The following HSD17B12 variants were observed in gnomAD, a reference collection of about 807,000 sequenced individuals.
The protein encoded by HSD17B12 is very-long-chain 3-oxoacyl-CoA reductase.
A neutral mutation model predicts 39.3 loss-of-function variants in HSD17B12; 32 were observed. The ratio of observed to expected loss-of-function variants is 0.81; its 90% CI spans 0.61 to 1.09. HSD17B12 has a LOEUF of 1.09. Ranked by LOEUF, HSD17B12 falls within the 50% of genes least tolerant of loss-of-function variation. HSD17B12 has a pLI of 0.00. For synonymous variants in HSD17B12, 150 were observed against 146.7 expected (o/e 1.02, Z -0.16); for missense variants, 342 against 382.9 (o/e 0.89, Z 0.89).
At chr11:43,790,020 C>A (rs1950852749) in intron 3 of HSD17B12, among the ~76,000 whole-genome samples, 1 of 152,028 alleles carries the variant, frequency 6.6e-6, no homozygotes, top group African/African-American at 2.4e-5. Flanking sequence ...TCTGAGATAC[C>A]ATTGATCATG....
chr11:43,814,189 T>C (rs1259152884), intron 4 of HSD17B12, among the ~76,000 whole-genome samples: 1 of 151,982 alleles, frequency 6.6e-6, no homozygotes, highest in Non-Finnish European at 1.5e-5. Context: ...AGTTGAATAC[T>C]GGATAAAGGT....
chr11:43,747,615 G>T (rs1288166233), intron 1 of HSD17B12, among the ~76,000 whole-genome samples: 1 of 152,206 alleles, frequency 6.6e-6, no homozygotes, highest in East Asian at 1.9e-4. Flanking sequence ...CCTTTGAAGC[G>T]TTGGAATGTG....
chr11:43,582,689 T>C, the HSD17B12 span, among the ~76,000 whole-genome samples: 1 of 152,114 alleles, frequency 6.6e-6, no homozygotes, highest in Non-Finnish European at 1.5e-5. Flanking sequence ...CATTAACCTG[T>C]CCGCTGGTTG....
At chr11:43,759,855 G>A (rs959392793) in intron 3 of HSD17B12, among the ~76,000 whole-genome samples, 1 of 151,654 alleles carries the variant, frequency 6.6e-6, no homozygotes, top group African/African-American at 2.4e-5. Flanking sequence ...AGCCTCCCAG[G>A]TAGCTGGGAC....
intron 3 of HSD17B12, chr11:43,754,756 T>G: frequency 1.7e-6 from 1 of 586,610 alleles, no homozygotes; most frequent in Non-Finnish European, 3.0e-6. Context: ...TATTCCTGAA[T>G]GTTTTTTACT....
chr11:43,783,231 G>T (rs1034894358), intron 3 of HSD17B12, among the ~76,000 whole-genome samples: 11 of 152,136 alleles, frequency 7.2e-5, no homozygotes, highest in African/African-American at 2.7e-4. Flanking sequence ...AGGATTAGAA[G>T]ATAGTAATTA....
chr11:43,632,369 T>C, the HSD17B12 span, among the ~76,000 whole-genome samples: 1 of 152,246 alleles, frequency 6.6e-6, no homozygotes, highest in Non-Finnish European at 1.5e-5. Flanking sequence ...TGACATCCTG[T>C]TTCCTGAACA....
chr11:43,565,702 A>G, the HSD17B12 span, among the ~76,000 whole-genome samples: 29 of 152,342 alleles, frequency 1.9e-4, 1 homozygote, highest in South Asian at 5.4e-3. Flanking sequence ...ATGAGGTCCA[A>G]TGCATTTTCC....
At chr11:43,575,901 G>A in the HSD17B12 span, among the ~76,000 whole-genome samples, 1 of 152,220 alleles carries the variant, frequency 6.6e-6, no homozygotes, top group Non-Finnish European at 1.5e-5. This position sits in a 1 kb window ranked among gnomAD's most constrained non-coding sequence, Gnocchi z 4.1. Context: ...AAGGCGGTGT[G>A]TTGCAAACAC....
At chr11:43,655,313 G>A in the HSD17B12 span, among the ~76,000 whole-genome samples, 14 of 152,214 alleles carry the variant, frequency 9.2e-5, no homozygotes, top group Middle Eastern at 3.4e-3. Context: ...GGGCTGAGAC[G>A]ATGGGGTTTT....
chr11:43,594,354 G>T, the HSD17B12 span, among the ~76,000 whole-genome samples: 2 of 151,930 alleles, frequency 1.3e-5, no homozygotes, highest in Non-Finnish European at 2.9e-5. Context: ...GATTCTTTTA[G>T]GGAAAATTCT....
chr11:43,659,447 A>G, the HSD17B12 span, among the ~76,000 whole-genome samples: 2 of 152,188 alleles, frequency 1.3e-5, no homozygotes, highest in Non-Finnish European at 2.9e-5. Flanking sequence ...CCGGTACCTC[A>G]GTTGGAAATG....
the HSD17B12 span, among the ~76,000 whole-genome samples, chr11:43,557,656 CT>C: frequency 6.6e-6 from 1 of 152,178 alleles, no homozygotes; most frequent in Admixed American, 6.5e-5. Flanking sequence ...TGCATGATAT[CT>C]TAAGGGCTGG....
At chr11:43,662,521 C>CA in the HSD17B12 span, among the ~76,000 whole-genome samples, 6,014 of 103,964 alleles carry the variant, frequency 0.058, 238 homozygotes, top group South Asian at 0.15. Context: ...GGCCACATCT[C>CA]AAAAAAAAAA....
At chr11:43,689,516 C>T (rs1269441920) in intron 1 of HSD17B12, among the ~76,000 whole-genome samples, 1 of 151,886 alleles carries the variant, frequency 6.6e-6, no homozygotes, top group African/African-American at 2.4e-5. Context: ...TTGAATAAGG[C>T]TTTATTTTAT....
intron 3 of HSD17B12, among the ~76,000 whole-genome samples, chr11:43,760,639 TTA>T (rs2134964411): frequency 6.6e-6 from 1 of 152,320 alleles, no homozygotes; most frequent in Non-Finnish European, 1.5e-5. Flanking sequence ...ATTTCTATAG[TTA>T]AGATATGAAT....
At chr11:43,612,911 A>C in the HSD17B12 span, among the ~76,000 whole-genome samples, 1 of 152,152 alleles carries the variant, frequency 6.6e-6, no homozygotes, top group Non-Finnish European at 1.5e-5. Flanking sequence ...CTGGAAGAAG[A>C]GTGTCCAGTA....
chr11:43,632,225 T>C, the HSD17B12 span, among the ~76,000 whole-genome samples: 1 of 152,186 alleles, frequency 6.6e-6, no homozygotes, highest in Admixed American at 6.5e-5. Context: ...TTACTTCTCT[T>C]GTCTTCATCT....
chr11:43,692,902 T>C (rs981130531), intron 1 of HSD17B12, among the ~76,000 whole-genome samples: 2 of 152,152 alleles, frequency 1.3e-5, no homozygotes, highest in Non-Finnish European at 2.9e-5. Flanking sequence ...ATTGAGTATA[T>C]AGTTTATTTG....
Sources: allele counts gnomAD v4.1 joint callset (sites outside exome capture counted in the v4.1 genomes callset), GRCh38; gene constraint gnomAD v4.1.1; non-coding constraint Gnocchi (gnomAD v3.1); transcripts MANE v1.5; gene names NCBI Gene and HGNC (gene_info 2026-07-23, HGNC 2026-07-21).